Variants in CAPS2 observed in about 807,000 individuals in gnomAD.
CAPS2 encodes calcyphosine 2, also known as calcyphosin-2.
CAPS2 carries 98 observed loss-of-function variants against 86.5 expected under a neutral mutation model. The observed-to-expected ratio is 1.13, with a 90% CI of 0.96 to 1.34. CAPS2 has a LOEUF of 1.34. Among genes scored for constraint, CAPS2 ranks in the 40% most tolerant of loss-of-function variants. The pLI is 0.00. For synonymous variants in CAPS2, 210 were observed against 225.1 expected (o/e 0.93, Z 0.60); for missense variants, 729 against 686.8 (o/e 1.06, Z -0.69).
intron 1 of CAPS2, among the ~76,000 whole-genome samples, chr12:75,349,241 C>T (rs1052187415): frequency 5.9e-5 from 9 of 152,190 alleles, no homozygotes; most frequent in Admixed American, 2.0e-4. Flanking sequence ...ACCCACCTAA[C>T]AATTCATAAT....
chr12:75,293,464 C>A, intron 11 of CAPS2, 97 bp from the exon 12 acceptor site: 1 of 780,860 alleles, frequency 1.3e-6, no homozygotes, highest in East Asian at 2.6e-5. Flanking sequence ...TAATGTGACA[C>A]GATATACTTT....
chr12:75,312,983 G>T, intron 6 of CAPS2, 68 bp from the exon 7 acceptor site: 1 of 845,144 alleles, frequency 1.2e-6, no homozygotes, highest in Non-Finnish European at 2.0e-6. Flanking sequence ...TAACACAAAA[G>T]TTCTAAAACA....
At chr12:75,363,176 TA>T in intron 1 of CAPS2, 1 of 1,524,296 alleles carries the variant, frequency 6.6e-7, no homozygotes, top group Non-Finnish European at 8.8e-7. Flanking sequence ...GAGAAATGTG[TA>T]AAGAACCTCT....
intron 1 of CAPS2, among the ~76,000 whole-genome samples, chr12:75,357,824 G>C (rs2043251547): frequency 6.6e-6 from 1 of 151,256 alleles, no homozygotes; most frequent in Admixed American, 6.6e-5. Flanking sequence ...ATTAAAATAA[G>C]AACATACGGG....
At chr12:75,284,776 C>T (rs976773093) in intron 15 of CAPS2, among the ~76,000 whole-genome samples, 185 bp downstream of exon 15, 1 of 151,958 alleles carries the variant, frequency 6.6e-6, no homozygotes, top group East Asian at 1.9e-4. Flanking sequence ...AAAATATATA[C>T]ACAAGTTATT....
At chr12:75,346,505 C>T (rs547441510) in intron 1 of CAPS2, among the ~76,000 whole-genome samples, 1 of 152,284 alleles carries the variant, frequency 6.6e-6, no homozygotes. Flanking sequence ...ATTCTCCTGC[C>T]TCAGCCTCCT....
rs184432570 is a variant in CAPS2, at chr12:75,383,472, C to A, written c.-395+7366G>T. Among the ~76,000 whole-genome samples, 107 of 152,272 alleles carry A rather than the reference C, an allele frequency of 7.0e-4. 3 individuals carry two copies. In the East Asian group the frequency reaches 0.018, roughly 25 times the overall value. ...TTACATAATAATAAAGGGGTTAATTCTCCAAGAAGACATTACAATCCTTAA... is the reference window on the plus strand; with the variant it reads ...TTACATAATAATAAAGGGGTTAATTATCCAAGAAGACATTACAATCCTTAA... On this transcript the variant is annotated intron_variant, in intron 1 of 5. Coordinates refer to the CAPS2 transcript ENST00000551829.
At chr12:75,286,727 G>C (rs1463826992) in intron 14 of CAPS2, among the ~76,000 whole-genome samples, 1 of 151,738 alleles carries the variant, frequency 6.6e-6, no homozygotes, top group Non-Finnish European at 1.5e-5. Context: ...TTAGACCTAG[G>C]TTAGTGATTC....
intron 12 of CAPS2, among the ~76,000 whole-genome samples, chr12:75,292,291 C>A (rs966596211): frequency 6.6e-6 from 1 of 152,052 alleles, no homozygotes; most frequent in Admixed American, 6.5e-5. Flanking sequence ...TGGTCTCGAA[C>A]TCTTGACCTT....
intron 1 of CAPS2, among the ~76,000 whole-genome samples, chr12:75,350,912 G>A (rs183082657): frequency 2.1e-4 from 32 of 152,268 alleles, no homozygotes; most frequent in Non-Finnish European, 4.0e-4. Context: ...AGCTAAAGGA[G>A]TATATTCTAA....
chr12:75,370,180 C>T (rs2044267713), intron 1 of CAPS2: 1 of 1,343,570 alleles, frequency 7.4e-7, no homozygotes, highest in Non-Finnish European at 1.1e-6. Flanking sequence ...CTTTTAATGT[C>T]ATTTATATAC....
At chr12:75,290,399 G>T (rs888112600) in intron 13 of CAPS2, among the ~76,000 whole-genome samples, 3 of 151,952 alleles carry the variant, frequency 2.0e-5, no homozygotes, top group Non-Finnish European at 4.4e-5. Context: ...AGAATAGATT[G>T]GTAACTTTAC....
upstream of CAPS2, among the ~76,000 whole-genome samples, chr12:75,329,313 G>A (rs923094893): frequency 1.3e-5 from 2 of 152,166 alleles, no homozygotes; most frequent in African/African-American, 4.8e-5. Context: ...ATCCAGCTGG[G>A]CTATGTTGGA....
At chr12:75,293,640 A>T (rs2036396354) in intron 11 of CAPS2, among the ~76,000 whole-genome samples, 1 of 152,162 alleles carries the variant, frequency 6.6e-6, no homozygotes, top group Non-Finnish European at 1.5e-5. Context: ...AATGAGAGGA[A>T]AAAAGAACAA....
At chr12:75,331,139 A>G (rs2041270976), upstream of CAPS2, among the ~76,000 whole-genome samples, 1 of 152,104 alleles carries the variant, frequency 6.6e-6, no homozygotes, top group South Asian at 2.1e-4. Flanking sequence ...CTCCTCATCT[A>G]TAAAGGGAAA....
chr12:75,311,675 G>A (rs1044660014), intron 7 of CAPS2, among the ~76,000 whole-genome samples: 5 of 121,094 alleles, frequency 4.1e-5, no homozygotes, highest in African/African-American at 9.5e-5. Flanking sequence ...GAACAGTCAC[G>A]TGTCACGTGC....
At chr12:75,325,091 G>T in intron 2 of CAPS2, 148 bp downstream of exon 3, 2 of 532,080 alleles carry the variant, frequency 3.8e-6, no homozygotes, top group Non-Finnish European at 6.1e-6. Context: ...TTTTGGTATA[G>T]TAATTTTCAG....
At position 75,350,271 on chromosome 12, in the gene CAPS2, C is replaced by G. The variant is rs375409938; in HGVS notation, c.-394-27049G>C. On this transcript the variant is annotated intron_variant, in intron 1 of 5. Transcript: ENST00000551829. ...GAGGAGCCCCTAGGAGGAGGGGCAG[C>G]CACAGTATCATGGACTGCAATCTTA... Among the ~76,000 whole-genome samples the G allele has an allele frequency of 2.2e-3, 329 of 152,328 alleles. 18 individuals are homozygous for G. In the South Asian group the frequency reaches 0.064, roughly 30 times the overall value.
At chr12:75,369,702 GC>G (rs1462358459) in intron 1 of CAPS2, 3 of 984,852 alleles carry the variant, frequency 3.0e-6, no homozygotes, top group Non-Finnish European at 3.6e-6. Context: ...CTACTTTATA[GC>G]TTTTTCTGGT....
Sources: allele counts gnomAD v4.1 joint callset (sites outside exome capture counted in the v4.1 genomes callset), GRCh38; gene constraint gnomAD v4.1.1; transcripts MANE v1.5; gene names NCBI Gene and HGNC (gene_info 2026-07-23, HGNC 2026-07-21).